Variants in ANKRD27 observed in about 807,000 individuals in gnomAD.
The protein encoded by ANKRD27 is ankyrin repeat domain-containing protein 27.
In ANKRD27, 112 loss-of-function variants were observed where a neutral mutation model predicts 129.7. The observed-to-expected ratio is 0.86, with a 90% CI of 0.74 to 1.01. The LOEUF is 1.01. Ranked by LOEUF, ANKRD27 falls within the 50% of genes least tolerant of loss-of-function variation. The probability of loss-of-function intolerance (pLI) is 0.00; values close to 1 mark genes in which losing one functional copy is unlikely to be tolerated. For missense variants in ANKRD27, 1,258 were observed against 1,300.5 expected (o/e 0.97, Z 0.50); for synonymous variants, 516 against 511.2 (o/e 1.01, Z -0.13).
At chr19:32,660,875 G>T (rs1967630858) in intron 1 of ANKRD27, among the ~76,000 whole-genome samples, 1 of 149,374 alleles carries the variant, frequency 6.7e-6, no homozygotes, top group Admixed American at 6.6e-5. Flanking sequence ...TTTTTCTTAG[G>T]ATTTATAGTT....
chr19:32,640,331 A>C lies in ANKRD27; in HGVS notation c.959T>G (p.Leu320Arg), dbSNP rs369784349. The change falls in exon 11 of 29, where the codon CTT (leucine) becomes CGT (arginine). Residue 320 changes from leucine (L) to arginine (R), a missense_variant. Coordinates refer to ENST00000306065, the MANE Select transcript of ANKRD27 (RefSeq NM_032139.3). ...DDLLSVLLYL[L>R]VKTEIPNWMA... ...CCAATTAGGGATCTCCGTTTTCACA[A>C]GCAAGTATAACAGGACTGATAGCAG... is the stretch of plus-strand genomic sequence containing the variant. 3.1e-6 allele frequency: 5 copies of C among 1,613,832 alleles called. No homozygotes were observed. The highest frequency in any genetic ancestry group is 4.2e-6 in the Non-Finnish European group (5 of 1,179,850).
rs1030622093 is a variant in ANKRD27 at position 32,649,602 on chromosome 19, T to C, written c.213+80A>G. The C allele has an allele frequency of 1.0e-5, 10 of 979,652 alleles. No homozygotes were observed. The Admixed American group carries it at 1.0e-4, about 10-fold the overall frequency. The allele number at this position is 979,652 out of a possible 1,614,324, so 60.7% of individuals were successfully genotyped here. A position where few individuals can be genotyped will look rare whatever the true frequency, so the allele number is the denominator to read the frequency against. On this transcript the variant is annotated intron_variant, in intron 3 of 28. Coordinates refer to ENST00000306065, the MANE Select transcript of ANKRD27 (RefSeq NM_032139.3). Reference sequence around the variant, plus strand: ...ACCATTGCCAGTAGCTGTGAAAGGCTGAGAACGGGACTCTCTTCCTCCCCT... The same window carrying C: ...ACCATTGCCAGTAGCTGTGAAAGGCCGAGAACGGGACTCTCTTCCTCCCCT...
intron 1 of ANKRD27, among the ~76,000 whole-genome samples, chr19:32,662,625 C>A (rs1967668126): frequency 6.6e-6 from 1 of 152,068 alleles, no homozygotes; most frequent in Non-Finnish European, 1.5e-5. Flanking sequence ...GCCTGCAGTC[C>A]CAACTACTCG....
chr19:32,644,366 T>C lies in ANKRD27; in HGVS notation c.484A>G (p.Thr162Ala), dbSNP rs1967261455. The change falls in exon 5 of 29, where the codon ACA (threonine) becomes GCA (alanine). Residue 162 changes from threonine to alanine, a missense_variant. Coordinates refer to ENST00000306065, the MANE Select transcript of ANKRD27 (RefSeq NM_032139.3). ...FDRNIASFHR[T>A]FRECERKSLR... is the part of the protein sequence containing the mutation. ...CTCTTTCTCTCGCATTCTCGGAATG[T>C]TCGATGGAAAGAGGCGATGTTCCTG... 1.9e-6 allele frequency: 3 copies of C among 1,613,874 alleles called. No homozygotes were observed. Among genetic ancestry groups the C allele is most frequent in the Non-Finnish European group, 2.5e-6 (3 of 1,179,960 alleles).
intron 28 of ANKRD27, among the ~76,000 whole-genome samples, chr19:32,598,948 C>A (rs1449458092): frequency 6.6e-6 from 1 of 152,098 alleles, no homozygotes; most frequent in Non-Finnish European, 1.5e-5. Flanking sequence ...TCACTGTCTC[C>A]GATCACAGGT....
chr19:32,624,394 G>T (rs1341674382), intron 17 of ANKRD27, among the ~76,000 whole-genome samples: 3 of 150,890 alleles, frequency 2.0e-5, no homozygotes, highest in Non-Finnish European at 4.4e-5. Context: ...GAATGTGCTA[G>T]ATCAACAGGG....
chr19:32,651,427 T>C (rs1350966676), intron 2 of ANKRD27, among the ~76,000 whole-genome samples: 4 of 152,100 alleles, frequency 2.6e-5, no homozygotes, highest in African/African-American at 9.7e-5. Context: ...TGGAGTGCAG[T>C]GGCGTGATCT....
At chr19:32,663,272 A>G (rs1337807936) in intron 1 of ANKRD27, among the ~76,000 whole-genome samples, 1 of 152,136 alleles carries the variant, frequency 6.6e-6, no homozygotes, top group African/African-American at 2.4e-5. Flanking sequence ...CAGCCCCTTG[A>G]GGGATCCCAG....
chr19:32,662,478 T>C (rs1432825124), intron 1 of ANKRD27, among the ~76,000 whole-genome samples: 1 of 152,160 alleles, frequency 6.6e-6, no homozygotes, highest in Non-Finnish European at 1.5e-5. Context: ...GGCTCACTCC[T>C]GTAATCCCAG....
At chr19:32,664,654 AATAAT>A (rs1967713308) in intron 1 of ANKRD27, among the ~76,000 whole-genome samples, 3 of 138,594 alleles carry the variant, frequency 2.2e-5, no homozygotes, top group Non-Finnish European at 3.0e-5. Context: ...TAATAATAAT[AATAAT>A]AAAAAGTTCT....
chr19:32,615,837 A>G (rs954171447), intron 21 of ANKRD27, 57 bp from the exon 22 acceptor site: 24 of 1,581,616 alleles, frequency 1.5e-5, no homozygotes, highest in Non-Finnish European at 1.9e-5. Flanking sequence ...TGCATGCACA[A>G]TATCTTAAAC....
At chr19:32,670,797 G>T (rs545999688) in intron 1 of ANKRD27, among the ~76,000 whole-genome samples, 1 of 152,242 alleles carries the variant, frequency 6.6e-6, no homozygotes, top group Non-Finnish European at 1.5e-5. Flanking sequence ...TTCAAGACCA[G>T]CCTGGCCAAC....
At chr19:32,625,646 G>A (rs1394734950) in intron 17 of ANKRD27, among the ~76,000 whole-genome samples, 1 of 152,002 alleles carries the variant, frequency 6.6e-6, no homozygotes, top group Non-Finnish European at 1.5e-5. Flanking sequence ...TGGTCAGGCT[G>A]GTCTCGAACT....
intron 2 of ANKRD27, among the ~76,000 whole-genome samples, chr19:32,652,641 A>G (rs1967440703): frequency 6.6e-6 from 1 of 151,312 alleles, no homozygotes; most frequent in South Asian, 2.1e-4. Flanking sequence ...AGGAAAAACA[A>G]AAGGAGACAG....
chr19:32,601,468 T>A (rs1467395400), intron 26 of ANKRD27, among the ~76,000 whole-genome samples: 3 of 151,478 alleles, frequency 2.0e-5, no homozygotes, highest in Non-Finnish European at 4.4e-5. Context: ...GCGTGGTGGC[T>A]GGCACCTGTA....
chr19:32,640,243 G>A (rs1006120208), intron 11 of ANKRD27, 64 bp downstream of exon 11: 32 of 1,374,474 alleles, frequency 2.3e-5, no homozygotes, highest in East Asian at 4.8e-5. Context: ...GATTACAGGC[G>A]TGAGCCACCG....
intron 22 of ANKRD27, among the ~76,000 whole-genome samples, chr19:32,613,834 G>T (rs957993157): frequency 6.6e-6 from 1 of 151,308 alleles, no homozygotes; most frequent in African/African-American, 2.4e-5. Flanking sequence ...TCAGCCTCCC[G>T]AGTAGCTGGG....
intron 1 of ANKRD27, among the ~76,000 whole-genome samples, chr19:32,674,194 T>C (rs953535908): frequency 6.6e-6 from 1 of 151,880 alleles, no homozygotes; most frequent in East Asian, 1.9e-4. Flanking sequence ...AGAAAAAAAA[T>C]ATCCACTGCT....
At chr19:32,617,122 T>C (rs1473368599) in intron 21 of ANKRD27, among the ~76,000 whole-genome samples, 1 of 152,128 alleles carries the variant, frequency 6.6e-6, no homozygotes, top group African/African-American at 2.4e-5. Flanking sequence ...AACAACACCA[T>C]TACCAAATAT....
Sources: gnomAD v4.1 joint callset for allele counts (sites outside exome capture counted in the v4.1 genomes callset) on GRCh38, gnomAD v4.1.1 for gene constraint, MANE v1.5 for transcripts, NCBI Gene and HGNC (gene_info 2026-07-23, HGNC 2026-07-21) for gene names.